The following DLGAP4 variants were observed in gnomAD, a reference collection of about 807,000 sequenced individuals.
The protein encoded by DLGAP4 is DLG associated protein 4, also known as disks large-associated protein 4.
Under a neutral mutation model 86.9 loss-of-function variants are expected in DLGAP4, and 18 were observed. The observed-to-expected ratio is 0.21, with a 90% CI of 0.14 to 0.31. DLGAP4 has a LOEUF of 0.31. Among genes scored for constraint, DLGAP4 ranks in the 10% least tolerant of loss-of-function variants. DLGAP4 has a pLI of 1.00. For missense variants in DLGAP4, 1,085 were observed against 1,362.6 expected (o/e 0.80, Z 3.21); for synonymous variants, 548 against 574.3 (o/e 0.95, Z 0.65).
chr20:36,500,298 C>T lies in DLGAP4; in HGVS notation c.2199C>T (p.Leu733=), dbSNP rs2036085047. ...DSSCKSSERS[L]PDCTPHPNSI... ...GCTGTAAGTCATCTGAGAGGAGCCT[C>T]CCGGACTGTACCCCTCACCCCAACT... is the stretch of plus-strand genomic sequence containing the variant. The change falls in exon 10 of 13, where the codon CTC becomes CTT. Residue 733 remains leucine, a synonymous_variant. Coordinates refer to ENST00000339266, the MANE Select transcript of DLGAP4 (RefSeq NM_001365621.2). The surrounding 1 kb of genome is among the most constrained non-coding windows in gnomAD (Gnocchi z 4.6). 1 of 1,614,010 alleles carries T rather than the reference C, an allele frequency of 6.2e-7. No individual in the cohort carries two copies. The highest frequency in any genetic ancestry group is 8.5e-7 in the Non-Finnish European group (1 of 1,179,916).
intron 7 of DLGAP4, chr20:36,462,028 T>A (rs1255741842): frequency 3.0e-6 from 3 of 985,454 alleles, no homozygotes; most frequent in African/African-American, 1.8e-5. Context: ...CACCTTCCAC[T>A]CTCCCCAAGG....
chr20:36,318,104 TCTCA>T (rs1231929713), intron 1 of DLGAP4, among the ~76,000 whole-genome samples: 25 of 106,494 alleles, frequency 2.3e-4, no homozygotes, highest in African/African-American at 7.7e-4. Context: ...AAATGTGTCC[TCTCA>T]CACACACACA....
chr20:36,500,145 C>T lies in DLGAP4; in HGVS notation c.2100-54C>T. The T allele has an allele frequency of 4.0e-6, 6 of 1,496,964 alleles. No homozygotes were observed. The highest frequency in any genetic ancestry group is 5.4e-6 in the Non-Finnish European group (6 of 1,121,048). 92.7% of individuals were successfully genotyped at this position (1,496,964 alleles called of 1,614,324 possible). On this transcript the variant is annotated intron_variant, in intron 9 of 12. Transcript: ENST00000339266. The surrounding 1 kb of genome is among the most constrained non-coding windows in gnomAD (Gnocchi z 4.6). ...GTCAAGGCGGCCTCTGGTCTCTGGC[C>T]CTCTTGGTGACTCACTCCTTCCTGT...
chr20:36,524,928 A>ATATTT (rs1291103270), intron 11 of DLGAP4, among the ~76,000 whole-genome samples: 1 of 151,280 alleles, frequency 6.6e-6, no homozygotes, highest in Non-Finnish European at 1.5e-5. Flanking sequence ...ATATACATAT[A>ATATTT]TATTTTTTGG....
At chr20:36,394,036 T>C (rs534604505) in intron 2 of DLGAP4, among the ~76,000 whole-genome samples, 1 of 152,292 alleles carries the variant, frequency 6.6e-6, no homozygotes, top group South Asian at 2.1e-4. Flanking sequence ...CTGTGAATCT[T>C]TTTCCAGCCT....
At chr20:36,396,263 G>C (rs2031945351) in intron 2 of DLGAP4, among the ~76,000 whole-genome samples, 1 of 119,478 alleles carries the variant, frequency 8.4e-6, no homozygotes, top group South Asian at 2.6e-4. Context: ...ACCTCTTCCA[G>C]ATCTGGTGTT....
Position 36,430,161 on chromosome 20 carries a change from G to A in DLGAP4, c.-72-1485G>A, listed in dbSNP as rs1332096563. ...AGTTTTGGACTAGTATTTCCAGGAT[G>A]TTCCCATTTTACAACAGGGGAAACT... On this transcript the variant is annotated intron_variant, in intron 2 of 12. Transcript: ENST00000339266. Among the ~76,000 whole-genome samples the A allele has an allele frequency of 2.0e-5, 3 of 152,230 alleles. No individual in the cohort carries two copies. The East Asian group carries it at 5.8e-4, about 29-fold the overall frequency.
intron 2 of DLGAP4, among the ~76,000 whole-genome samples, chr20:36,396,349 A>AC (rs1569484508): frequency 5.2e-4 from 12 of 23,012 alleles, no homozygotes; most frequent in Non-Finnish European, 9.5e-4. Flanking sequence ...ACACACACAC[A>AC]CACATACCAC....
chr20:36,409,877 CA>C (rs1374227411), intron 2 of DLGAP4, among the ~76,000 whole-genome samples: 23 of 150,486 alleles, frequency 1.5e-4, no homozygotes, highest in Middle Eastern at 3.4e-3. Context: ...ACTAAAAATA[CA>C]AAAAAATTAG....
intron 4 of DLGAP4, among the ~76,000 whole-genome samples, chr20:36,437,118 G>A (rs2033309651): frequency 1.3e-5 from 2 of 152,104 alleles, no homozygotes; most frequent in South Asian, 4.1e-4. Context: ...CTACTATAAT[G>A]ATCCAGGCCC....
intron 7 of DLGAP4, among the ~76,000 whole-genome samples, chr20:36,467,054 CTCTCT>C (rs2034432650): frequency 2.2e-5 from 3 of 133,364 alleles, no homozygotes; most frequent in African/African-American, 7.0e-5. Flanking sequence ...CTCTCTCTCT[CTCTCT>C]CTCTCCCCCC....
In DLGAP4 at chr20:36,527,695, C is replaced by T. The variant is rs2037854430; in HGVS notation, c.*664C>T. ...CTCACTGGGAGGTGCCCCGCCAGCC[C>T]TGGGCAGTGTCAGGCAGGACTCACT... On this transcript the variant is annotated 3_prime_UTR_variant, in exon 13 of 13. Transcript: ENST00000339266. 1 of 152,748 alleles carries T rather than the reference C, an allele frequency of 6.5e-6. No homozygotes were observed. Among genetic ancestry groups the T allele is most frequent in the African/African-American group, 2.4e-5 (1 of 41,444 alleles). 9.5% of individuals were successfully genotyped at this position (152,748 alleles called of 1,614,324 possible). A position where few individuals can be genotyped will look rare whatever the true frequency, so the allele number is the denominator to read the frequency against.
intron 2 of DLGAP4, among the ~76,000 whole-genome samples, chr20:36,416,494 G>A (rs996536679): frequency 2.6e-5 from 4 of 152,218 alleles, no homozygotes; most frequent in Admixed American, 6.5e-5. Context: ...GAACCCGGGC[G>A]AACCAGGATG....
In DLGAP4 at chr20:36,446,845, C is replaced by A. The variant is rs1202545369; in HGVS notation, c.1556C>A (p.Ala519Glu). 1 of 1,613,096 alleles carries A rather than the reference C, an allele frequency of 6.2e-7. No individual in the cohort carries two copies. The highest frequency in any genetic ancestry group is 1.1e-5 in the South Asian group (1 of 91,008). ...RSHSYLRAIQAGCSQEEDSVS... is the reference protein window; with the variant it reads ...RSHSYLRAIQEGCSQEEDSVS... The stretch of plus-strand genomic sequence containing the variant: ...CACAGCTACCTGCGTGCCATCCAGG[C>A]AGGCTGCTCGCAGGAGGAGGACAGT... Residue 519 changes from alanine to glutamate, a missense_variant, in exon 7 of 13, where the codon GCA becomes GAA. Around this residue, in one of 2 missense-constraint regions of DLGAP4, gnomAD observed 1,082 missense variants for 1,344.1 expected, o/e 0.81. Transcript: ENST00000339266.
chr20:36,506,626 G>A (rs2036388640), intron 10 of DLGAP4, among the ~76,000 whole-genome samples: 1 of 152,106 alleles, frequency 6.6e-6, no homozygotes, highest in Non-Finnish European at 1.5e-5. Flanking sequence ...CTTTAAACTT[G>A]ACAATGTTCT....
At chr20:36,497,169 G>T in intron 8 of DLGAP4, 103 bp downstream of exon 8, 1 of 1,497,188 alleles carries the variant, frequency 6.7e-7, no homozygotes, top group Non-Finnish European at 8.9e-7. Flanking sequence ...GGAAAAGGTG[G>T]TTTGTCTCTC....
intron 7 of DLGAP4, chr20:36,493,051 C>G (rs2035735462): frequency 6.6e-6 from 1 of 150,774 alleles, no homozygotes; most frequent in African/African-American, 2.4e-5. Context: ...CCCCACCCTA[C>G]CCACAGGCCC....
chr20:36,374,032 C>CA (rs11472489), intron 2 of DLGAP4, among the ~76,000 whole-genome samples: 93,439 of 115,586 alleles, frequency 0.81, 37,089 homozygotes, highest in East Asian at 0.95. Flanking sequence ...GAGACTGTCT[C>CA]AAAAAAAAAA....
intron 2 of DLGAP4, among the ~76,000 whole-genome samples, chr20:36,427,030 AT>A (rs2032992790): frequency 6.6e-6 from 1 of 151,716 alleles, no homozygotes; most frequent in African/African-American, 2.4e-5. Flanking sequence ...AAAAAAAAAA[AT>A]GTTTTTTCTA....
Sources: allele counts gnomAD v4.1 joint callset (sites outside exome capture counted in the v4.1 genomes callset), GRCh38; gene constraint gnomAD v4.1.1; regional missense constraint gnomAD v4.1.1; non-coding constraint Gnocchi (gnomAD v3.1); transcripts MANE v1.5; gene names NCBI Gene and HGNC (gene_info 2026-07-23, HGNC 2026-07-21).